The following OSMR variants were observed in gnomAD, a reference collection of about 807,000 sequenced individuals.
OSMR encodes oncostatin M receptor, also known as oncostatin-M-specific receptor subunit beta.
Under a neutral mutation model 99.9 loss-of-function variants are expected in OSMR, and 81 were observed. The ratio of observed to expected loss-of-function variants is 0.81; its 90% confidence interval spans 0.68 to 0.97. The LOEUF (loss-of-function observed/expected upper bound fraction) is 0.97. Among genes scored for constraint, OSMR ranks in the 50% least tolerant of loss-of-function variants. The pLI, the probability that OSMR is intolerant of heterozygous loss-of-function variation, is 0.00. For missense variants in OSMR, 1,099 were observed against 1,153.4 expected (o/e 0.95, Z 0.68); for synonymous variants, 406 against 410.4 (o/e 0.99, Z 0.13).
chr5:38,904,123 A>C, intron 8 of OSMR, 99 bp downstream of exon 8: 1 of 1,561,132 alleles, frequency 6.4e-7, no homozygotes. Flanking sequence ...ATTTCTGTGT[A>C]GGTTCAAATG....
At chr5:38,862,982 C>T (rs530161248) in intron 1 of OSMR, among the ~76,000 whole-genome samples, 2 of 152,104 alleles carry the variant, frequency 1.3e-5, no homozygotes, top group Admixed American at 6.5e-5. Flanking sequence ...GCCAACACAG[C>T]GAAACCCTGT....
chr5:38,896,834 T>G (rs1744552012), intron 7 of OSMR, among the ~76,000 whole-genome samples: 2 of 152,010 alleles, frequency 1.3e-5, no homozygotes, highest in Admixed American at 1.3e-4. Context: ...TATACCCGTT[T>G]TTTTTTTAGT....
At chr5:38,846,541 C>T (rs879736252) in intron 1 of OSMR, among the ~76,000 whole-genome samples, 154 bp downstream of exon 1, 12 of 152,210 alleles carry the variant, frequency 7.9e-5, no homozygotes, top group Non-Finnish European at 1.5e-4. Context: ...ATCCCTCTTT[C>T]CTCTCTCCCA....
At chr5:38,891,956 C>G (rs1356044090) in intron 7 of OSMR, among the ~76,000 whole-genome samples, 1 of 152,160 alleles carries the variant, frequency 6.6e-6, no homozygotes, top group African/African-American at 2.4e-5. Flanking sequence ...ACCCCTGCCG[C>G]CCTTCTCCGG....
intron 3 of OSMR, 23 bp from the exon 4 acceptor site, chr5:38,881,570 A>G (rs1218215927): frequency 6.2e-7 from 1 of 1,614,128 alleles, no homozygotes; most frequent in East Asian, 2.2e-5. Flanking sequence ...ATGTGTCTCC[A>G]ATTGTTTTCT....
At chr5:38,873,940 C>A (rs1742599481) in intron 2 of OSMR, among the ~76,000 whole-genome samples, 1 of 152,120 alleles carries the variant, frequency 6.6e-6, no homozygotes, top group Admixed American at 6.5e-5. Context: ...TCAAACCATC[C>A]TCCTATGTCA....
intron 12 of OSMR, among the ~76,000 whole-genome samples, chr5:38,922,796 A>G (rs1025126762): frequency 1.3e-5 from 2 of 151,972 alleles, no homozygotes; most frequent in Non-Finnish European, 2.9e-5. Context: ...TGTGGTGGGG[A>G]ACAGACTGTT....
At chr5:38,859,508 A>G (rs901738826) in intron 1 of OSMR, among the ~76,000 whole-genome samples, 1 of 152,062 alleles carries the variant, frequency 6.6e-6, no homozygotes, top group African/African-American at 2.4e-5. Flanking sequence ...GTAGTTTTGT[A>G]GTATATTTTG....
At chr5:38,865,060 T>C (rs1741834426) in intron 1 of OSMR, among the ~76,000 whole-genome samples, 2 of 152,324 alleles carry the variant, frequency 1.3e-5, no homozygotes, top group South Asian at 2.1e-4. Context: ...CTCTTGATTG[T>C]ATTTTTTATT....
At chr5:38,855,844 C>T (rs575783746) in intron 1 of OSMR, among the ~76,000 whole-genome samples, 86 of 152,184 alleles carry the variant, frequency 5.7e-4, no homozygotes, top group Non-Finnish European at 1.1e-3. Flanking sequence ...TTAAAATCTA[C>T]AGTGGCTCCC....
intron 1 of OSMR, chr5:38,942,794 T>C: frequency 6.8e-7 from 1 of 1,470,276 alleles, no homozygotes; most frequent in East Asian, 2.3e-5. Flanking sequence ...ACAGAATTAT[T>C]CTTGGAAGAT....
At chr5:38,860,150 T>G (rs1224646569) in intron 1 of OSMR, among the ~76,000 whole-genome samples, 1 of 152,206 alleles carries the variant, frequency 6.6e-6, no homozygotes, top group East Asian at 1.9e-4. Flanking sequence ...TCATTCCAAT[T>G]CTGAGAGAAT....
intron 2 of OSMR, among the ~76,000 whole-genome samples, chr5:38,870,330 CTTTTTT>C (rs374861159): frequency 8.7e-6 from 1 of 115,140 alleles, no homozygotes; most frequent in Admixed American, 9.6e-5. Context: ...GAATGATTTT[CTTTTTT>C]TTTTTTTTTT....
chr5:38,856,007 C>T (rs982269164), intron 1 of OSMR, among the ~76,000 whole-genome samples: 1 of 152,152 alleles, frequency 6.6e-6, no homozygotes, highest in East Asian at 1.9e-4. Flanking sequence ...TCCCTAAATC[C>T]TCCAAGCAGC....
At chr5:38,907,102 C>T (rs185351279) in intron 9 of OSMR, among the ~76,000 whole-genome samples, 2 of 152,170 alleles carry the variant, frequency 1.3e-5, no homozygotes, top group Non-Finnish European at 2.9e-5. Flanking sequence ...GTCAAACTCT[C>T]TTTGCTGATG....
chr5:38,885,965 G>A, intron 6 of OSMR, 74 bp from the exon 7 acceptor site: 1 of 1,584,190 alleles, frequency 6.3e-7, no homozygotes, highest in East Asian at 2.3e-5. Flanking sequence ...ATGCCCTGAG[G>A]GATAAGGGAT....
chr5:38,923,335 G>C, intron 13 of OSMR, 81 bp downstream of exon 13: 1 of 912,398 alleles, frequency 1.1e-6, no homozygotes, highest in Non-Finnish European at 1.8e-6. Flanking sequence ...GGTTTAGGAA[G>C]CTGTCAGCAC....
rs903204764 is a variant in OSMR, at chr5:38,883,643, C to G, written c.419-184C>G. On this transcript the variant is annotated intron_variant, in intron 4 of 17. Coordinates refer to ENST00000274276, the MANE Select transcript of OSMR (RefSeq NM_003999.3). ...AGTGGTATCAGTGTAACAATAGGAG[C>G]AGTGGTGGAAAGGATTGTCTTGCAT... 1.6e-5 allele frequency: 15 copies of G among 929,868 alleles called. No individual in the cohort carries two copies. The Admixed American group carries it at 9.3e-4, about 57-fold the overall frequency. 57.6% of individuals were successfully genotyped at this position (929,868 alleles called of 1,614,324 possible).
In OSMR at chr5:38,880,512, G is replaced by T. The variant is rs73075370; in HGVS notation, c.247-1081G>T. Among the ~76,000 whole-genome samples the T allele has an allele frequency of 5.1e-3, 775 of 152,248 alleles. 6 individuals carry two copies. The highest frequency in any genetic ancestry group is 0.016 in the African/African-American group (670 of 41,538). ...ACAGCTGATATACCAACAGCTAGCC[G>T]CAGTATATAGGAGGGGCTCAGAAGG... On this transcript the variant is annotated intron_variant, in intron 3 of 17. Transcript: ENST00000274276.
Sources: allele counts gnomAD v4.1 joint callset (sites outside exome capture counted in the v4.1 genomes callset), GRCh38; gene constraint gnomAD v4.1.1; transcripts MANE v1.5; gene names NCBI Gene and HGNC (gene_info 2026-07-23, HGNC 2026-07-21).